The following EPG5 variants were observed in gnomAD, a reference collection of about 807,000 sequenced individuals.
EPG5 encodes ectopic P granules protein 5 homolog.
Under a neutral mutation model 302.7 loss-of-function variants are expected in EPG5, and 159 were observed. The ratio of observed to expected loss-of-function variants is 0.53; its 90% CI spans 0.46 to 0.60. The LOEUF (loss-of-function observed/expected upper bound fraction) is 0.60, where lower values mean the gene tolerates loss of function less well. EPG5 is among the 20% of genes least tolerant of loss of function. The probability of loss-of-function intolerance (pLI) is 0.00; values close to 1 mark genes in which losing one functional copy is unlikely to be tolerated. For missense variants in EPG5, 2,896 were observed against 3,092.4 expected, an observed-to-expected ratio of 0.94 and a Z score of 1.51; for synonymous variants, 1,158 against 1,136.8, an observed-to-expected ratio of 1.02 and a Z score of -0.37.
rs545352994 is a variant in EPG5, at chr18:45,912,579, A to G, written c.3817-123T>C. On this transcript the variant is annotated intron_variant, in intron 21 of 43. Transcript: ENST00000282041. ...TTTTCAATTCAATAATATATTTTTT[A>G]AAAGTCACATAAAACTCACTTCTCC... 1,213 of 1,053,864 alleles carry G rather than the reference A, an allele frequency of 1.2e-3. 3 individuals are homozygous for G. Among genetic ancestry groups the G allele is most frequent in the Non-Finnish European group, 1.6e-3 (1,154 of 740,196 alleles). 65.3% of individuals were successfully genotyped at this position (1,053,864 alleles called of 1,614,324 possible). A position where few individuals can be genotyped will look rare whatever the true frequency, so the allele number is the denominator to read the frequency against.
the EPG5 span, chr18:45,840,170 G>A: frequency 1.8e-5 from 29 of 1,610,436 alleles, no homozygotes; most frequent in Admixed American, 6.7e-5. Context: ...TGCAGACTGC[G>A]GTGGAGATTC....
At chr18:45,854,001 T>C (rs2048465085) in intron 43 of EPG5, among the ~76,000 whole-genome samples, 1 of 152,180 alleles carries the variant, frequency 6.6e-6, no homozygotes, top group Admixed American at 6.5e-5. Context: ...CAGGGAGTCA[T>C]CACTTTAAGT....
intron 12 of EPG5, among the ~76,000 whole-genome samples, chr18:45,929,787 A>C (rs1201704489): frequency 6.6e-6 from 1 of 152,212 alleles, no homozygotes; most frequent in Non-Finnish European, 1.5e-5. Context: ...AGATCCATCG[A>C]GATCTTAACT....
intron 27 of EPG5, among the ~76,000 whole-genome samples, chr18:45,896,598 G>C (rs1410673051): frequency 6.6e-6 from 1 of 151,794 alleles, no homozygotes; most frequent in Non-Finnish European, 1.5e-5. Flanking sequence ...AGGCTGGAGT[G>C]CGGTGGCACA....
Position 45,951,812 on chromosome 18 carries a change from T to A in EPG5, c.1253-574A>T, listed in dbSNP as rs534922729. 4.6e-5 allele frequency among the ~76,000 whole-genome samples: 7 copies of A among 152,276 alleles called. No individual in the cohort carries two copies. In the East Asian group the frequency reaches 1.4e-3, roughly 29 times the overall value. Reference sequence around the variant, plus strand: ...AGTACATCTCTGACCTACCCCCAGTTAATTGATTAGTTAAGAAAATGGGGG... The same window carrying A: ...AGTACATCTCTGACCTACCCCCAGTAAATTGATTAGTTAAGAAAATGGGGG... On this transcript the variant is annotated intron_variant, in intron 3 of 43. Coordinates refer to ENST00000282041, the MANE Select transcript of EPG5 (RefSeq NM_020964.3).
At chr18:45,925,690 A>G (rs760591416) in intron 14 of EPG5, 48 bp downstream of exon 14, 4 of 1,357,518 alleles carry the variant, frequency 2.9e-6, no homozygotes, top group Non-Finnish European at 9.7e-7. Context: ...TCTTTGAAAC[A>G]GATGCATGTA....
rs764697562 is a variant in EPG5, at chr18:45,928,881, G to A, written c.2541C>T (p.Asp847=). The change falls in exon 13 of 44, where the codon GAC becomes GAT. Residue 847 remains aspartate, a synonymous_variant. Coordinates refer to ENST00000282041, the MANE Select transcript of EPG5 (RefSeq NM_020964.3). Reference sequence around the variant, plus strand: ...TCAGTGCTCTTACCATTCCAACCTGGTCAATGGTCTCTTGAACTCTATCCA... The same window carrying A: ...TCAGTGCTCTTACCATTCCAACCTGATCAATGGTCTCTTGAACTCTATCCA... ...VLLDRVQETI[D]QVGMVSLYLF... 1.9e-6 allele frequency: 3 copies of A among 1,613,240 alleles called. No individual in the cohort carries two copies. Among genetic ancestry groups the A allele is most frequent in the Non-Finnish European group, 2.5e-6 (3 of 1,179,782 alleles).
At chr18:45,930,191 T>C (rs1267318035) in intron 12 of EPG5, among the ~76,000 whole-genome samples, 1 of 152,216 alleles carries the variant, frequency 6.6e-6, no homozygotes, top group Non-Finnish European at 1.5e-5. Flanking sequence ...TTTCATATTA[T>C]AGATGAGGAA....
intron 30 of EPG5, among the ~76,000 whole-genome samples, chr18:45,882,995 G>T (rs1242589284): frequency 7.7e-6 from 1 of 129,762 alleles, no homozygotes; most frequent in Non-Finnish European, 1.6e-5. Flanking sequence ...CAACAAGAGC[G>T]AAACTGCGTC....
intron 36 of EPG5, among the ~76,000 whole-genome samples, chr18:45,868,307 G>A (rs919857656): frequency 1.3e-5 from 2 of 150,960 alleles, no homozygotes; most frequent in Non-Finnish European, 3.0e-5. Context: ...CTACACTAGT[G>A]TATATTATTT....
chr18:45,898,004 T>C (rs928470924), intron 27 of EPG5, among the ~76,000 whole-genome samples: 2 of 152,228 alleles, frequency 1.3e-5, no homozygotes, highest in Non-Finnish European at 2.9e-5. Flanking sequence ...TCTCCAAGCA[T>C]TTCTCTTTCA....
At chr18:45,925,973 T>C in intron 13 of EPG5, 71 bp from the exon 14 acceptor site, 2 of 974,624 alleles carry the variant, frequency 2.1e-6, no homozygotes, top group Non-Finnish European at 2.7e-6. Context: ...CAATATTATA[T>C]TATTAAACTG....
At chr18:45,951,264 T>A (rs1364147348) in intron 3 of EPG5, 26 bp from the exon 4 acceptor site, 10 of 1,430,464 alleles carry the variant, frequency 7.0e-6, no homozygotes, top group Middle Eastern at 2.1e-4. Flanking sequence ...ATTAAATGAG[T>A]CTCTCATAAA....
intron 39 of EPG5, among the ~76,000 whole-genome samples, chr18:45,861,435 T>A (rs55872303): frequency 0.49 from 75,109 of 152,016 alleles, 19,406 homozygotes; most frequent in Non-Finnish European, 0.58. Context: ...CCTGTTCATA[T>A]CAACAGGGCT....
intron 7 of EPG5, among the ~76,000 whole-genome samples, chr18:45,944,554 A>G (rs2050746188): frequency 6.6e-6 from 1 of 152,212 alleles, no homozygotes; most frequent in Non-Finnish European, 1.5e-5. Context: ...CAGGAGTCCA[A>G]GAGCAGCCTG....
the EPG5 span, among the ~76,000 whole-genome samples, chr18:45,811,572 T>C: frequency 6.6e-6 from 1 of 152,118 alleles, no homozygotes; most frequent in Non-Finnish European, 1.5e-5. Context: ...TCCACCATGA[T>C]CAAGTGGACT....
chr18:45,845,925 C>T (rs1469144380), downstream of EPG5, among the ~76,000 whole-genome samples: 1 of 152,146 alleles, frequency 6.6e-6, no homozygotes, highest in Non-Finnish European at 1.5e-5. Flanking sequence ...GAGAAGAAAC[C>T]ACCCAGGGGA....
chr18:45,857,714 C>G, intron 42 of EPG5, 139 bp downstream of exon 42: 9 of 421,242 alleles, frequency 2.1e-5, no homozygotes, highest in East Asian at 4.3e-5. Flanking sequence ...TTTTTTTTTT[C>G]TTTTTTTTTT....
the EPG5 span, among the ~76,000 whole-genome samples, chr18:45,808,847 C>T: frequency 2.8e-4 from 43 of 152,126 alleles, no homozygotes; most frequent in African/African-American, 8.4e-4. Flanking sequence ...ACAAGGTATA[C>T]AGGCAACAAA....
Sources: gnomAD v4.1 joint callset for allele counts (sites outside exome capture counted in the v4.1 genomes callset) on GRCh38, gnomAD v4.1.1 for gene constraint, MANE v1.5 for transcripts, NCBI Gene and HGNC (gene_info 2026-07-23, HGNC 2026-07-21) for gene names.